Variants in SLC9A8 observed in about 807,000 individuals in gnomAD.
SLC9A8 encodes the protein sodium/hydrogen exchanger 8.
Under a neutral mutation model 66.6 loss-of-function variants are expected in SLC9A8, and 48 were observed. The observed-to-expected ratio is 0.72, with a 90% CI of 0.57 to 0.92. SLC9A8 has a LOEUF of 0.92. SLC9A8 is among the 40% of genes least tolerant of loss of function. SLC9A8 has a pLI of 0.00. For synonymous variants in SLC9A8, 274 were observed against 282.6 expected (o/e 0.97, Z 0.31); for missense variants, 599 against 747.3 (o/e 0.80, Z 2.31).
At position 49,845,090 on chromosome 20, in the gene SLC9A8, A is replaced by G. The variant is rs763960174; in HGVS notation, c.403A>G (p.Ile135Val). 1.2e-5 allele frequency: 20 copies of G among 1,613,020 alleles called. No individual in the cohort carries two copies. The highest frequency in any genetic ancestry group is 1.6e-5 in the Non-Finnish European group (19 of 1,179,198). ...MFFLLLLPPIIFESGYSLHKG... is the reference protein window; with the variant it reads ...MFFLLLLPPIVFESGYSLHKG... ...TTTCCTCCTCCTGCTTCCCCCTATT[A>G]TCTTTGAGTCTGGATATTCATTACA... Residue 135 changes from isoleucine (I) to valine (V), a missense_variant, in exon 5 of 16, where the codon ATC becomes GTC. Transcript: ENST00000361573.
intron 7 of SLC9A8, among the ~76,000 whole-genome samples, chr20:49,854,047 G>A (rs916808337): frequency 9.2e-5 from 14 of 152,190 alleles, no homozygotes; most frequent in African/African-American, 3.4e-4. Flanking sequence ...GGTGAGGGTG[G>A]GAAGCTCAGG....
At chr20:49,883,432 A>G (rs1293233926) in intron 13 of SLC9A8, among the ~76,000 whole-genome samples, 1 of 152,186 alleles carries the variant, frequency 6.6e-6, no homozygotes, top group Non-Finnish European at 1.5e-5. Context: ...GGACAAGAGT[A>G]GCGCTGCTCG....
At chr20:49,867,438 C>T (rs2089020435) in intron 10 of SLC9A8, among the ~76,000 whole-genome samples, 1 of 152,144 alleles carries the variant, frequency 6.6e-6, no homozygotes, top group Admixed American at 6.5e-5. Flanking sequence ...CTGGTGGGAA[C>T]GCAAACTATT....
intron 3 of SLC9A8, chr20:49,829,479 C>T (rs912601657): frequency 4.5e-6 from 1 of 222,828 alleles, no homozygotes; most frequent in African/African-American, 2.4e-5. Flanking sequence ...GCCGAGATCG[C>T]ACCACTGCAC....
intron 3 of SLC9A8, among the ~76,000 whole-genome samples, chr20:49,835,822 A>C (rs546789484): frequency 6.6e-6 from 1 of 150,910 alleles, no homozygotes; most frequent in South Asian, 2.1e-4. Context: ...AGTAGCTGTA[A>C]TTACAGGTGC....
chr20:49,883,760 C>T (rs2146766155), intron 13 of SLC9A8, 86 bp from the exon 14 acceptor site: 2 of 1,079,528 alleles, frequency 1.9e-6, no homozygotes, highest in Admixed American at 2.1e-5. Context: ...GGTCGTGGTG[C>T]TGGGCCGGCT....
Position 49,840,210 on chromosome 20 carries a change from C to T in SLC9A8, c.348+611C>T, listed in dbSNP as rs2055543930. The stretch of plus-strand genomic sequence containing the variant: ...CAGTGTTTTCTCCACCATACCACCC[C>T]GTCCTCAGTTTGCTGATATATATAC... On this transcript the variant is annotated intron_variant, in intron 4 of 15. Coordinates refer to ENST00000361573, the MANE Select transcript of SLC9A8 (RefSeq NM_015266.3). 3.9e-5 allele frequency among the ~76,000 whole-genome samples: 6 copies of T among 152,126 alleles called. 1 individual carries two copies. In the South Asian group the frequency reaches 1.0e-3, roughly 26 times the overall value.
At chr20:49,821,439 T>C (rs1189338241) in intron 2 of SLC9A8, among the ~76,000 whole-genome samples, 1 of 152,182 alleles carries the variant, frequency 6.6e-6, no homozygotes, top group Non-Finnish European at 1.5e-5. Flanking sequence ...AATATTTATA[T>C]AAAAATAACA....
intron 13 of SLC9A8, 75 bp from the exon 14 acceptor site, chr20:49,883,771 G>A (rs567006584): frequency 2.7e-5 from 34 of 1,252,378 alleles, no homozygotes; most frequent in Non-Finnish European, 3.5e-5. Flanking sequence ...TGGGCCGGCT[G>A]GATTTCCAGG....
chr20:49,851,335 C>T lies in SLC9A8; in HGVS notation c.569+491C>T, dbSNP rs141777093. Among the ~76,000 whole-genome samples, 308 of 152,264 alleles carry T rather than the reference C, an allele frequency of 2.0e-3. 1 individual carries two copies. Among genetic ancestry groups the T allele is most frequent in the African/African-American group, 7.1e-3 (293 of 41,546 alleles). ...AAGCCCCTCCATCTGAAGCCACTCC[C>T]GTGAGCACTTCCCATGAGCCCCATC... On this transcript the variant is annotated intron_variant, in intron 7 of 15. Transcript: ENST00000361573.
At chr20:49,855,295 A>G (rs2088427835) in intron 7 of SLC9A8, 143 bp from the exon 8 acceptor site, 3 of 870,594 alleles carry the variant, frequency 3.4e-6, no homozygotes, top group Non-Finnish European at 5.4e-6. Flanking sequence ...TAAGTGGGGA[A>G]AAAATACGCT....
chr20:49,836,494 T>A lies in SLC9A8; in HGVS notation c.290-3047T>A, dbSNP rs569836623. ...GCAGGTGCATACCACCATGCGCAGATAATTTTTGTATTTTTAGTAGAGACG... is the reference window on the plus strand; with the variant it reads ...GCAGGTGCATACCACCATGCGCAGAAAATTTTTGTATTTTTAGTAGAGACG... On this transcript the variant is annotated intron_variant, in intron 3 of 15. Coordinates refer to ENST00000361573, the MANE Select transcript of SLC9A8 (RefSeq NM_015266.3). 2.0e-5 allele frequency among the ~76,000 whole-genome samples: 3 copies of A among 152,088 alleles called. No individual in the cohort carries two copies. In the East Asian group the frequency reaches 5.8e-4, roughly 29 times the overall value.
rs774066665 is a variant in SLC9A8 at position 49,812,908 on chromosome 20, T to C, written c.-15T>C. The C allele has an allele frequency of 2.5e-4, 369 of 1,491,658 alleles. No homozygotes were observed. Among genetic ancestry groups the C allele is most frequent in the Middle Eastern group, 3.5e-4 (2 of 5,740 alleles). The allele number at this position is 1,491,658 out of a possible 1,614,324, so 92.4% of individuals were successfully genotyped here. On this transcript the variant is annotated 5_prime_UTR_variant, in exon 1 of 16. Coordinates refer to ENST00000361573, the MANE Select transcript of SLC9A8 (RefSeq NM_015266.3). ...CCCGCGGCTCCGAACTCGGTGGTCC[T>C]GGAAGCTCCGCAGGATGGGGGAGAA...
intron 6 of SLC9A8, 28 bp from the exon 7 acceptor site, chr20:49,850,774 GTGTGTGTC>G (rs1379642013): frequency 1.1e-5 from 18 of 1,586,216 alleles, no homozygotes; most frequent in Non-Finnish European, 1.5e-5. Flanking sequence ...TTTTTTTTTT[GTGTGTGTC>G]TGTGTGTTTG....
At chr20:49,813,089 CGAG>C (rs1297080775) in intron 1 of SLC9A8, 141 bp downstream of exon 1, 6 of 233,210 alleles carry the variant, frequency 2.6e-5, no homozygotes, top group Non-Finnish European at 7.9e-6. Context: ...CCGGTGCCTA[CGAG>C]GAGGGCGGGA....
intron 3 of SLC9A8, 48 bp downstream of exon 3, chr20:49,823,189 C>T (rs377644718): frequency 6.9e-7 from 1 of 1,441,490 alleles, no homozygotes; most frequent in African/African-American, 1.4e-5. Flanking sequence ...ACAATAACTA[C>T]CATTTTTTGA....
chr20:49,827,072 G>T lies in SLC9A8; in HGVS notation c.289+3931G>T, dbSNP rs1600650539. ...TTCTCCTGCCTCAGCCTCCTGAGTAGCTGGGATTACAGGCACATACCACCA... is the reference window on the plus strand; with the variant it reads ...TTCTCCTGCCTCAGCCTCCTGAGTATCTGGGATTACAGGCACATACCACCA... On this transcript the variant is annotated intron_variant, in intron 3 of 15. Transcript: ENST00000361573. Among the ~76,000 whole-genome samples the T allele has an allele frequency of 2.0e-5, 3 of 151,740 alleles. No homozygotes were observed. In the South Asian group the frequency reaches 6.3e-4, roughly 32 times the overall value.
At chr20:49,874,015 C>T (rs1342293249) in intron 10 of SLC9A8, among the ~76,000 whole-genome samples, 5 of 151,780 alleles carry the variant, frequency 3.3e-5, no homozygotes, top group Admixed American at 6.6e-5. Context: ...TTTGGGAGGC[C>T]GAGGTGGGCA....
intron 8 of SLC9A8, among the ~76,000 whole-genome samples, chr20:49,856,948 CAAAAA>C (rs1474172739): frequency 1.3e-5 from 2 of 152,086 alleles, no homozygotes; most frequent in African/African-American, 4.8e-5. Flanking sequence ...GACCCTGTCT[CAAAAA>C]CAAAACAAAA....
Sources: allele counts gnomAD v4.1 joint callset (sites outside exome capture counted in the v4.1 genomes callset), GRCh38; gene constraint gnomAD v4.1.1; transcripts MANE v1.5; gene names NCBI Gene and HGNC (gene_info 2026-07-23, HGNC 2026-07-21).